KSR2: variants seen among roughly 807,000 people sequenced by gnomAD.
KSR2 encodes the protein kinase suppressor of ras 2.
Under a neutral mutation model 107.8 loss-of-function variants are expected in KSR2, and 25 were observed. The ratio of observed to expected loss-of-function variants is 0.23; its 90% CI spans 0.17 to 0.32. The LOEUF (loss-of-function observed/expected upper bound fraction) is 0.32. Among genes scored for constraint, KSR2 ranks in the 10% least tolerant of loss-of-function variants. KSR2 has a pLI of 1.00. For missense variants in KSR2, 887 were observed against 1,268.9 expected (o/e 0.70, Z 4.57); for synonymous variants, 480 against 507.0 (o/e 0.95, Z 0.71).
At chr12:117,824,556 T>G (rs1891671023) in intron 3 of KSR2, among the ~76,000 whole-genome samples, 1 of 152,104 alleles carries the variant, frequency 6.6e-6, no homozygotes, top group South Asian at 2.1e-4. Flanking sequence ...TAATAAAAAA[T>G]TATTTTAAAA....
At chr12:117,933,626 A>C (rs183007706) in intron 1 of KSR2, among the ~76,000 whole-genome samples, 3 of 152,266 alleles carry the variant, frequency 2.0e-5, no homozygotes, top group African/African-American at 7.2e-5. Context: ...GTTTATCTGA[A>C]ATTCAAATTT....
In KSR2 at chr12:117,777,191, A is replaced by G. The variant is rs180894332; in HGVS notation, c.473-15667T>C. On this transcript the variant is annotated intron_variant, in intron 3 of 19. Transcript: ENST00000339824. ...ATATATACACTATATATATATATAT[A>G]TAGTTGATTCATTAACATTGAGCTC... Among the ~76,000 whole-genome samples the G allele has an allele frequency of 9.0e-3, 1,336 of 147,694 alleles. 31 individuals carry two copies. Among genetic ancestry groups the G allele is most frequent in the African/African-American group, 0.031 (1,255 of 40,142 alleles).
intron 7 of KSR2, among the ~76,000 whole-genome samples, chr12:117,560,784 T>C (rs1395315162): frequency 6.6e-6 from 1 of 152,102 alleles, no homozygotes; most frequent in Non-Finnish European, 1.5e-5. Flanking sequence ...AAGTTCTCAC[T>C]CTATTAGAGA....
At chr12:117,698,860 A>G (rs1287909357) in intron 4 of KSR2, among the ~76,000 whole-genome samples, 1 of 152,146 alleles carries the variant, frequency 6.6e-6, no homozygotes, top group East Asian at 1.9e-4. Flanking sequence ...GACTGGGCCC[A>G]TCAGAGTCTT....
chr12:117,844,876 G>C (rs1320435849), intron 3 of KSR2, among the ~76,000 whole-genome samples: 3 of 152,196 alleles, frequency 2.0e-5, no homozygotes, highest in Non-Finnish European at 2.9e-5. Context: ...GCCAGGCACA[G>C]TGGCTCATGC....
chr12:117,620,729 T>G (rs988798223), intron 5 of KSR2, among the ~76,000 whole-genome samples: 1 of 152,208 alleles, frequency 6.6e-6, no homozygotes, highest in Non-Finnish European at 1.5e-5. Flanking sequence ...GACACTTCTC[T>G]GTGAGCTGTG....
intron 3 of KSR2, among the ~76,000 whole-genome samples, chr12:117,841,343 C>A (rs1445481616): frequency 6.6e-6 from 1 of 152,172 alleles, no homozygotes; most frequent in African/African-American, 2.4e-5. Flanking sequence ...GCCTCCCATC[C>A]TCCCTCAGGA....
At chr12:117,718,738 C>A (rs1307888206) in intron 4 of KSR2, among the ~76,000 whole-genome samples, 3 of 152,218 alleles carry the variant, frequency 2.0e-5, no homozygotes, top group African/African-American at 4.8e-5. Flanking sequence ...AGCAGCCACC[C>A]AAACACTTGG....
rs1173252500 is a variant in KSR2 at position 117,647,294 on chromosome 12, G to C, written c.1171+20180C>G. On this transcript the variant is annotated intron_variant, in intron 5 of 19. Transcript: ENST00000339824. Reference sequence around the variant, plus strand: ...AGCAAAGGAAAGAATGGCTTTAACAGAGACCTTCAACAGAGCAGCATGGGA... The same window carrying C: ...AGCAAAGGAAAGAATGGCTTTAACACAGACCTTCAACAGAGCAGCATGGGA... 2.0e-5 allele frequency among the ~76,000 whole-genome samples: 3 copies of C among 152,194 alleles called. No homozygotes were observed. In the East Asian group the frequency reaches 5.8e-4, roughly 29 times the overall value.
At chr12:117,525,766 T>C (rs1875100078) in intron 13 of KSR2, among the ~76,000 whole-genome samples, 1 of 151,992 alleles carries the variant, frequency 6.6e-6, no homozygotes, top group Non-Finnish European at 1.5e-5. Flanking sequence ...CAACATGGAG[T>C]ATCTTTTGCT....
rs990915360 is a variant in KSR2, at chr12:117,465,289, T to A, written c.*1910A>T. On this transcript the variant is annotated 3_prime_UTR_variant, in exon 20 of 20. Coordinates refer to ENST00000339824, the MANE Select transcript of KSR2 (RefSeq NM_173598.6). ...TGGCTGGGGCTCAGGCAAACATATA[T>A]AAAATGCCTCCAAGACACACACACG... 3 of 152,018 alleles carry A rather than the reference T, an allele frequency of 2.0e-5. No homozygotes were observed. The highest frequency in any genetic ancestry group is 7.3e-5 in the African/African-American group (3 of 41,362). 9.4% of individuals were successfully genotyped at this position (152,018 alleles called of 1,614,324 possible). A position where few individuals can be genotyped will look rare whatever the true frequency, so the allele number is the denominator to read the frequency against.
At chr12:117,717,478 C>T (rs1593163143) in intron 4 of KSR2, among the ~76,000 whole-genome samples, 2 of 152,044 alleles carry the variant, frequency 1.3e-5, no homozygotes, top group African/African-American at 2.4e-5. Context: ...GAGATTACAC[C>T]GCTGCACTCC....
chr12:117,944,021 T>C (rs184600501), intron 1 of KSR2, among the ~76,000 whole-genome samples: 197 of 152,340 alleles, frequency 1.3e-3, no homozygotes, highest in African/African-American at 4.6e-3. Context: ...TCCACCATGA[T>C]AGTGAGGCTT....
chr12:117,676,526 G>C (rs1885127730), intron 4 of KSR2, among the ~76,000 whole-genome samples: 1 of 152,100 alleles, frequency 6.6e-6, no homozygotes, highest in Admixed American at 6.6e-5. Context: ...GAAGACAAAG[G>C]AGAAAAAGGA....
chr12:117,664,123 C>T (rs201412007), intron 5 of KSR2, among the ~76,000 whole-genome samples: 2 of 152,184 alleles, frequency 1.3e-5, no homozygotes, highest in African/African-American at 2.4e-5. Context: ...CCTCCATGAG[C>T]GAAGGCTCCT....
chr12:117,554,468 G>A (rs1175624794), intron 9 of KSR2, among the ~76,000 whole-genome samples: 1 of 152,136 alleles, frequency 6.6e-6, no homozygotes, highest in Non-Finnish European at 1.5e-5. Flanking sequence ...GTTGGTCCTG[G>A]AAGATGGTGT....
intron 14 of KSR2, among the ~76,000 whole-genome samples, chr12:117,506,929 T>C (rs1873723838): frequency 6.6e-6 from 1 of 152,150 alleles, no homozygotes; most frequent in Non-Finnish European, 1.5e-5. Flanking sequence ...TCAGGATCTT[T>C]TGGGGTTGAG....
At chr12:117,727,340 A>C (rs1011088285) in intron 4 of KSR2, among the ~76,000 whole-genome samples, 4 of 151,984 alleles carry the variant, frequency 2.6e-5, no homozygotes, top group Non-Finnish European at 5.9e-5. Flanking sequence ...GCACCACTAC[A>C]CTCCAGCCTG....
At chr12:117,873,749 C>T (rs111480200) in intron 1 of KSR2, among the ~76,000 whole-genome samples, 239 of 152,218 alleles carry the variant, frequency 1.6e-3, no homozygotes, top group Middle Eastern at 6.8e-3. Context: ...GCATGAACCA[C>T]GGCGCCTGGC....
Sources: allele counts gnomAD v4.1 joint callset (sites outside exome capture counted in the v4.1 genomes callset), GRCh38; gene constraint gnomAD v4.1.1; transcripts MANE v1.5; gene names NCBI Gene and HGNC (gene_info 2026-07-23, HGNC 2026-07-21).